Variants in LRRK1 observed in about 807,000 individuals in gnomAD.
The protein encoded by LRRK1 is leucine-rich repeat serine/threonine-protein kinase 1.
LRRK1 carries 113 observed loss-of-function variants against 209.1 expected under a neutral mutation model. The observed-to-expected ratio is 0.54, with a 90% CI of 0.46 to 0.63. The LOEUF (loss-of-function observed/expected upper bound fraction) is 0.63. LRRK1 is among the 30% of genes least tolerant of loss of function. The pLI, the probability that LRRK1 is intolerant of heterozygous loss-of-function variation, is 0.00. For missense variants in LRRK1, 2,284 were observed against 2,632.2 expected, an observed-to-expected ratio of 0.87 and a Z score of 2.89; for synonymous variants, 1,144 against 1,099.7, an observed-to-expected ratio of 1.04 and a Z score of -0.80.
In LRRK1 at chr15:101,074,963, GCTCT is replaced by G. The variant is rs1477058861; in HGVS notation, c.*6118_*6121del. On this transcript the variant is annotated 3_prime_UTR_variant, in exon 34 of 34. Coordinates refer to ENST00000388948, the MANE Select transcript of LRRK1 (RefSeq NM_024652.6). ...AGAGCCCCTGGAACTCCGGCCCAAG[GCTCT>G]CTGACTGACTCCTTCCCAGATCTTC... is the stretch of plus-strand genomic sequence containing the variant. 2 of 143,052 alleles carry G rather than the reference GCTCT, an allele frequency of 1.4e-5. No individual in the cohort carries two copies. Among genetic ancestry groups the G allele is most frequent in the East Asian group, 3.9e-4 (2 of 5,098 alleles). The allele number at this position is 143,052 out of a possible 1,614,324, so 8.9% of individuals were successfully genotyped here.
chr15:101,062,735 C>A (rs191941774), intron 31 of LRRK1, 45 bp downstream of exon 31: 1 of 1,399,362 alleles, frequency 7.1e-7, no homozygotes, highest in South Asian at 1.2e-5. Context: ...TGATGCACTT[C>A]CACGCCTAGG....
intron 12 of LRRK1, 67 bp from the exon 13 acceptor site, chr15:101,020,986 C>A: frequency 6.3e-7 from 1 of 1,592,418 alleles, no homozygotes; most frequent in East Asian, 2.2e-5. Flanking sequence ...ATACGCCCAC[C>A]TGGTCACCAC....
chr15:101,064,699 T>G, intron 31 of LRRK1: 1 of 151,504 alleles, frequency 6.6e-6, no homozygotes, highest in Non-Finnish European at 1.5e-5. Flanking sequence ...GAGGGTTGAG[T>G]AGGAAGCGAT....
chr15:101,033,054 G>GGATCATGCT (rs1259143296), intron 20 of LRRK1, among the ~76,000 whole-genome samples: 1 of 152,188 alleles, frequency 6.6e-6, no homozygotes, highest in Admixed American at 6.5e-5. Context: ...GGGGTCAGCA[G>GGATCATGCT]GATCATGCTG....
At chr15:100,980,156 C>T (rs1437942946) in intron 3 of LRRK1, among the ~76,000 whole-genome samples, 1 of 151,810 alleles carries the variant, frequency 6.6e-6, no homozygotes, top group Non-Finnish European at 1.5e-5. Flanking sequence ...TTGTAATGGC[C>T]CAAAACTGGA....
intron 2 of LRRK1, among the ~76,000 whole-genome samples, chr15:100,969,893 TTC>T (rs2030745854): frequency 1.5e-5 from 1 of 64,610 alleles, no homozygotes; most frequent in African/African-American, 8.0e-5. Context: ...TGCTTTTTTC[TTC>T]TTTTTTTTTT....
intron 2 of LRRK1, among the ~76,000 whole-genome samples, chr15:100,945,244 A>G (rs143699238): frequency 1.3e-5 from 2 of 152,334 alleles, no homozygotes; most frequent in Non-Finnish European, 2.9e-5. Flanking sequence ...GCAGCCCTTC[A>G]GGAGAGTTTT....
At chr15:101,021,758 CAGG>C (rs1273524365) in intron 13 of LRRK1, 84 bp from the exon 14 acceptor site, 8 of 936,562 alleles carry the variant, frequency 8.5e-6, no homozygotes, top group African/African-American at 5.1e-5. Context: ...CAGAGGCTGA[CAGG>C]AGCCACGTGT....
intron 2 of LRRK1, among the ~76,000 whole-genome samples, chr15:100,972,601 T>C (rs2030992788): frequency 6.6e-6 from 1 of 152,110 alleles, no homozygotes; most frequent in Non-Finnish European, 1.5e-5. Flanking sequence ...CTGGTTTTAG[T>C]TGTGGTAGGC....
chr15:100,952,200 A>G lies in LRRK1; in HGVS notation c.98-21604A>G, dbSNP rs191121295. ...AGTGGGAACTGACTGGTATAAGCGT[A>G]TATTTGCAGGGTGGTACAAATGTTT... On this transcript the variant is annotated intron_variant, in intron 2 of 33. Transcript: ENST00000388948. Among the ~76,000 whole-genome samples the G allele has an allele frequency of 1.3e-3, 197 of 152,318 alleles. 2 individuals are homozygous for G. The highest frequency in any genetic ancestry group is 4.6e-3 in the African/African-American group (192 of 41,574).
intron 10 of LRRK1, among the ~76,000 whole-genome samples, chr15:101,012,762 C>T (rs991516924): frequency 6.6e-6 from 1 of 152,210 alleles, no homozygotes; most frequent in African/African-American, 2.4e-5. Flanking sequence ...CACAAGGCAG[C>T]GAAGGCCCCT....
At chr15:100,932,294 T>A (rs1469386890) in intron 2 of LRRK1, among the ~76,000 whole-genome samples, 1 of 152,156 alleles carries the variant, frequency 6.6e-6, no homozygotes, top group Non-Finnish European at 1.5e-5. Context: ...CCTGAGTGTG[T>A]TTTCTTCCTA....
chr15:101,032,057 A>G (rs2034307674), intron 20 of LRRK1, among the ~76,000 whole-genome samples: 2 of 152,132 alleles, frequency 1.3e-5, no homozygotes, highest in Non-Finnish European at 2.9e-5. Flanking sequence ...TGTTGTCTGT[A>G]GGTCTTTCTG....
At chr15:101,043,534 C>T (rs1048136353) in intron 20 of LRRK1, among the ~76,000 whole-genome samples, 1 of 152,092 alleles carries the variant, frequency 6.6e-6, no homozygotes, top group South Asian at 2.1e-4. Flanking sequence ...TGAGGAGATA[C>T]GAGTACTCAG....
intron 6 of LRRK1, among the ~76,000 whole-genome samples, chr15:100,992,245 G>T (rs959430090): frequency 6.6e-6 from 1 of 152,112 alleles, no homozygotes; most frequent in Non-Finnish European, 1.5e-5. Context: ...ATTATTTATT[G>T]TTAATGGTTA....
intron 2 of LRRK1, among the ~76,000 whole-genome samples, chr15:100,947,056 G>A (rs754135759): frequency 6.6e-6 from 1 of 151,578 alleles, no homozygotes; most frequent in African/African-American, 2.4e-5. Flanking sequence ...TGCAACCTCC[G>A]CCTCCCAGCT....
chr15:101,006,372 T>TAAAAAAAAAAAAAAAA (rs56053663), intron 6 of LRRK1, among the ~76,000 whole-genome samples: 1 of 114,450 alleles, frequency 8.7e-6, no homozygotes, highest in Non-Finnish European at 1.9e-5. Flanking sequence ...GACAATGTGA[T>TAAAAAAAAAAAAAAAA]AAAAAAAAAA....
chr15:101,044,932 G>A (rs1012132700), intron 20 of LRRK1, among the ~76,000 whole-genome samples: 2 of 152,222 alleles, frequency 1.3e-5, no homozygotes, highest in East Asian at 1.9e-4. Flanking sequence ...GGCATCTAGC[G>A]AGAGGTTGGG....
At chr15:100,966,197 A>G (rs983903500) in intron 2 of LRRK1, among the ~76,000 whole-genome samples, 15 of 152,258 alleles carry the variant, frequency 9.9e-5, no homozygotes, top group Non-Finnish European at 2.2e-4. Context: ...AGTATTTTGG[A>G]GAAAAAAATG....
Sources: gnomAD v4.1 joint callset for allele counts (sites outside exome capture counted in the v4.1 genomes callset) on GRCh38, gnomAD v4.1.1 for gene constraint, MANE v1.5 for transcripts, NCBI Gene and HGNC (gene_info 2026-07-23, HGNC 2026-07-21) for gene names.